Variants in EREG observed in about 807,000 individuals in gnomAD.
The protein encoded by EREG is proepiregulin.
EREG carries 23 observed loss-of-function variants against 22.4 expected under a neutral mutation model. The observed-to-expected ratio is 1.03, with a 90% CI of 0.74 to 1.46. The LOEUF is 1.46. EREG is among the 40% of genes most tolerant of loss of function. EREG has a pLI of 0.00. For missense variants in EREG, 226 were observed against 205.9 expected (o/e 1.10, Z -0.60); for synonymous variants, 100 against 75.4 (o/e 1.33, Z -1.69).
intron 1 of EREG, among the ~76,000 whole-genome samples, chr4:74,369,877 T>C (rs1752261383): frequency 6.6e-6 from 1 of 152,046 alleles, no homozygotes; most frequent in African/African-American, 2.4e-5. Flanking sequence ...GTAGATTTAA[T>C]GGATAAGATG....
chr4:74,378,399 A>C (rs1282250112), intron 1 of EREG, among the ~76,000 whole-genome samples: 1 of 152,148 alleles, frequency 6.6e-6, no homozygotes, highest in Non-Finnish European at 1.5e-5. Context: ...GGTGTAGAAA[A>C]AGCAAGCTTA....
chr4:74,373,268 G>A (rs1030693457), intron 1 of EREG, among the ~76,000 whole-genome samples: 9 of 151,814 alleles, frequency 5.9e-5, no homozygotes, highest in East Asian at 3.9e-4. Context: ...ATATGTAAGC[G>A]AAATATATTA....
Position 74,379,469 on chromosome 4 carries a change from T to C in EREG, c.89T>C (p.Val30Ala). Residue 30 changes from valine (V) to alanine (A), a missense_variant, in exon 2 of 5, where the codon GTC becomes GCC. Physicochemically the swap from Val to Ala is moderately conservative, Grantham distance 64 (BLOSUM62 0). Transcript: ENST00000244869. ...LCLGFHLLQA[V>A]LSTTVIPSCI... ...ATAGGTTTCCATCTTCTACAGGCAGTCCTCAGTACAACTGTGATTCCATCA... is the reference window on the plus strand; with the variant it reads ...ATAGGTTTCCATCTTCTACAGGCAGCCCTCAGTACAACTGTGATTCCATCA... 1.2e-6 allele frequency: 2 copies of C among 1,609,368 alleles called. No individual in the cohort carries two copies. The highest frequency in any genetic ancestry group is 8.5e-7 in the Non-Finnish European group (1 of 1,175,672).
rs1016232605 is a variant in EREG at position 74,387,279 on chromosome 4, C to T, written c.*2471C>T. On this transcript the variant is annotated 3_prime_UTR_variant, in exon 5 of 5. Coordinates refer to ENST00000244869, the MANE Select transcript of EREG (RefSeq NM_001432.3). ...CAAGGTACAACTGTATTTATTAACG[C>T]TTACTAGATGTGAGGAGAGTCTGAA... The T allele has an allele frequency of 2.0e-4, 31 of 151,970 alleles. No homozygotes were observed. The highest frequency in any genetic ancestry group is 7.3e-4 in the African/African-American group (30 of 41,364). The allele number at this position is 151,970 out of a possible 1,614,324, so 9.4% of individuals were successfully genotyped here. A position where few individuals can be genotyped will look rare whatever the true frequency, so the allele number is the denominator to read the frequency against.
intron 1 of EREG, among the ~76,000 whole-genome samples, chr4:74,375,389 G>A (rs1314311217): frequency 2.5e-5 from 3 of 120,188 alleles, no homozygotes; most frequent in Admixed American, 2.4e-4. Flanking sequence ...CGCGATCTCC[G>A]CTCCCTGCAA....
Position 74,384,767 on chromosome 4 carries a change from G to A in EREG, c.469G>A (p.Glu157Lys). The A allele has an allele frequency of 6.2e-7, 1 of 1,613,366 alleles. No homozygotes were observed. Residue 157 changes from glutamate to lysine, a missense_variant, in exon 5 of 5, where the codon GAG becomes AAG. By Grantham distance (56) the Glu-to-Lys change is moderately conservative (BLOSUM62 1). Transcript: ENST00000244869. ...RKSKEPKKEY[E>K]RVTSGDPELP... is the part of the protein sequence containing the mutation. ...AAGTAAAGAACCAAAGAAGGAATAT[G>A]AGAGAGTTACCTCAGGGGATCCAGA...
intron 3 of EREG, chr4:74,381,941 T>G (rs1445232474): frequency 1.7e-5 from 2 of 117,012 alleles, no homozygotes; most frequent in African/African-American, 3.3e-5. Flanking sequence ...GCGGAGATCA[T>G]GCCACTGTAC....
chr4:74,373,424 A>G (rs182858258), intron 1 of EREG, among the ~76,000 whole-genome samples: 167 of 151,926 alleles, frequency 1.1e-3, no homozygotes, highest in Middle Eastern at 3.5e-3. Flanking sequence ...AATTAAAATA[A>G]TTACTTATTT....
chr4:74,373,737 C>T (rs999316919), intron 1 of EREG, among the ~76,000 whole-genome samples: 1 of 146,430 alleles, frequency 6.8e-6, no homozygotes, highest in South Asian at 2.1e-4. Context: ...TATACGTGTG[C>T]GTATATATAT....
rs961929548 is a variant in EREG, at chr4:74,387,700, C to T, written c.*2892C>T. On this transcript the variant is annotated 3_prime_UTR_variant, in exon 5 of 5. Coordinates refer to ENST00000244869, the MANE Select transcript of EREG (RefSeq NM_001432.3). ...TAGTTCACACTTAGTCTAACTCCCC[C>T]ATTTTACAGATTTCTCACTATATAT... is the stretch of plus-strand genomic sequence containing the variant. The T allele has an allele frequency of 3.3e-5, 5 of 152,122 alleles. No homozygotes were observed. Among genetic ancestry groups the T allele is most frequent in the Non-Finnish European group, 5.9e-5 (4 of 68,006 alleles). 9.4% of individuals were successfully genotyped at this position (152,122 alleles called of 1,614,324 possible).
At chr4:74,379,083 C>T (rs192444434) in intron 1 of EREG, among the ~76,000 whole-genome samples, 10 of 152,212 alleles carry the variant, frequency 6.6e-5, no homozygotes, top group Admixed American at 4.6e-4. Flanking sequence ...GTGATGGGGT[C>T]TGATTAGGAG....
chr4:74,386,041 G>A lies in EREG; in HGVS notation c.*1233G>A, dbSNP rs1412055280. On this transcript the variant is annotated 3_prime_UTR_variant, in exon 5 of 5. Transcript: ENST00000244869. ...GATGAAAACTAGGGCTCATTTTCCT[G>A]ACATTTGTTTATTTTTTGGAAGAGA... 1 of 363,512 alleles carries A rather than the reference G, an allele frequency of 2.8e-6. No individual in the cohort carries two copies. Among genetic ancestry groups the A allele is most frequent in the Non-Finnish European group, 4.9e-6 (1 of 203,638 alleles). 22.5% of individuals were successfully genotyped at this position (363,512 alleles called of 1,614,324 possible).
rs991982556 is a variant in EREG at position 74,385,738 on chromosome 4, C to T, written c.*930C>T. On this transcript the variant is annotated 3_prime_UTR_variant, in exon 5 of 5. Coordinates refer to ENST00000244869, the MANE Select transcript of EREG (RefSeq NM_001432.3). ...AAATCACAGCCCAAAATTTGATGGACTAATTATTATTTTAAAATATATGAA... is the reference window on the plus strand; with the variant it reads ...AAATCACAGCCCAAAATTTGATGGATTAATTATTATTTTAAAATATATGAA... 4 of 378,726 alleles carry T rather than the reference C, an allele frequency of 1.1e-5. No homozygotes were observed. The highest frequency in any genetic ancestry group is 9.1e-5 in the Admixed American group (2 of 22,018). 23.5% of individuals were successfully genotyped at this position (378,726 alleles called of 1,614,324 possible).
intron 1 of EREG, among the ~76,000 whole-genome samples, chr4:74,377,522 G>T (rs2110387101): frequency 6.6e-6 from 1 of 152,242 alleles, no homozygotes; most frequent in East Asian, 1.9e-4. Flanking sequence ...CCTCAAATTG[G>T]CCCTGAGAGG....
At position 74,369,581 on chromosome 4, in the gene EREG, A is replaced by G. The variant is rs114579125; in HGVS notation, c.67+4206A>G. On this transcript the variant is annotated intron_variant, in intron 1 of 4. Coordinates refer to ENST00000244869, the MANE Select transcript of EREG (RefSeq NM_001432.3). ...GGATGTATTCCATGGAGATATATGT[A>G]ATATTCAGAAAGAAAAGTATTAAAC... 4.5e-3 allele frequency among the ~76,000 whole-genome samples: 678 copies of G among 152,316 alleles called. 5 individuals are homozygous for G. The highest frequency in any genetic ancestry group is 0.015 in the African/African-American group (638 of 41,574).
At chr4:74,378,463 T>A (rs1018614432) in intron 1 of EREG, among the ~76,000 whole-genome samples, 28 of 152,274 alleles carry the variant, frequency 1.8e-4, no homozygotes, top group African/African-American at 6.7e-4. Flanking sequence ...TCAAACAAAA[T>A]ATGTCTAATT....
chr4:74,383,025 A>G (rs1031531292), intron 4 of EREG, among the ~76,000 whole-genome samples: 15 of 152,198 alleles, frequency 9.9e-5, no homozygotes, highest in African/African-American at 3.1e-4. Context: ...AGAAACCTGC[A>G]TGTGTACCCC....
chr4:74,369,358 G>C, intron 1 of EREG, among the ~76,000 whole-genome samples: 1 of 151,296 alleles, frequency 6.6e-6, no homozygotes, highest in Non-Finnish European at 1.5e-5. Flanking sequence ...GTATGCCTTT[G>C]TGTACTCATA....
At chr4:74,372,622 TAGA>T (rs2110384697) in intron 1 of EREG, among the ~76,000 whole-genome samples, 1 of 152,214 alleles carries the variant, frequency 6.6e-6, no homozygotes, top group Admixed American at 6.5e-5. Flanking sequence ...GGAGTCAAGG[TAGA>T]AAAGGTTATA....
Sources: allele counts gnomAD v4.1 joint callset (sites outside exome capture counted in the v4.1 genomes callset), GRCh38; gene constraint gnomAD v4.1.1; transcripts MANE v1.5; gene names NCBI Gene and HGNC (gene_info 2026-07-23, HGNC 2026-07-21).